Variants in PIGN observed in about 807,000 individuals in gnomAD.
PIGN encodes phosphatidylinositol glycan anchor biosynthesis class N, also known as GPI ethanolamine phosphate transferase 1.
A neutral mutation model predicts 125.4 loss-of-function variants in PIGN; 117 were observed. The observed-to-expected ratio is 0.93, with a 90% CI of 0.80 to 1.09. PIGN has a LOEUF of 1.09. Among genes scored for constraint, PIGN ranks in the 50% least tolerant of loss-of-function variants. The pLI, the probability that PIGN is intolerant of heterozygous loss-of-function variation, is 0.00. For synonymous variants in PIGN, 392 were observed against 377.8 expected, an observed-to-expected ratio of 1.04 and a Z score of -0.44; for missense variants, 1,075 against 1,094.9, an observed-to-expected ratio of 0.98 and a Z score of 0.26.
intron 10 of PIGN, among the ~76,000 whole-genome samples, chr18:62,144,470 T>C (rs921698185): frequency 8.5e-5 from 13 of 152,184 alleles, no homozygotes; most frequent in Non-Finnish European, 1.8e-4. Context: ...TGTACTCTGC[T>C]CCCAGCTGAC....
rs759327246 is a variant in PIGN, at chr18:62,045,999, T to C, written c.2673-20A>G. On this transcript the variant is annotated intron_variant, in intron 30 of 30. Coordinates refer to ENST00000640252, the MANE Select transcript of PIGN (RefSeq NM_176787.5). ...CTGATGCTGCAAAAGGAGAAAAAGA[T>C]GTTACAGGCAGAGAGAACACAGGTG... 3.7e-6 allele frequency: 6 copies of C among 1,607,886 alleles called. No individual in the cohort carries two copies. In the South Asian group the frequency reaches 4.5e-5, roughly 12 times the overall value.
At chr18:62,107,269 T>C (rs867586859) in intron 17 of PIGN, among the ~76,000 whole-genome samples, 184 bp from the exon 18 acceptor site, 12 of 152,150 alleles carry the variant, frequency 7.9e-5, no homozygotes, top group African/African-American at 1.9e-4. Context: ...AATCTAGAAG[T>C]ATTTTAGGGA....
chr18:62,163,412 T>C (rs952289168), intron 2 of PIGN, 119 bp downstream of exon 2: 4 of 152,214 alleles, frequency 2.6e-5, no homozygotes, highest in African/African-American at 9.6e-5. Context: ...GTTACCTTTG[T>C]GGCACATGGT....
chr18:62,095,265 T>G (rs1360130388), intron 23 of PIGN, among the ~76,000 whole-genome samples: 1 of 152,222 alleles, frequency 6.6e-6, no homozygotes, highest in African/African-American at 2.4e-5. Context: ...TCAAAGTTAA[T>G]GGACAGAGTA....
At chr18:62,077,401 AC>A (rs1378907786) in intron 28 of PIGN, among the ~76,000 whole-genome samples, 1 of 151,758 alleles carries the variant, frequency 6.6e-6, no homozygotes, top group African/African-American at 2.4e-5. Context: ...AACAAACAAA[AC>A]CTTTAAAAAA....
rs1484374045 is a variant in PIGN at position 62,106,868 on chromosome 18, A to C, written c.1688T>G (p.Phe563Cys). 1 of 1,607,586 alleles carries C rather than the reference A, an allele frequency of 6.2e-7. No homozygotes were observed. The highest frequency in any genetic ancestry group is 1.3e-5 in the African/African-American group (1 of 74,844). The change falls in exon 19 of 31, where the codon TTC becomes TGC. Residue 563 changes from phenylalanine (F) to cysteine (C), a missense_variant. Transcript: ENST00000640252. ...TCCAGCGGTAAGCATATAGCGGTAGAAAAAACTGAGAACCTAGTAATGCAT... is the reference window on the plus strand; with the variant it reads ...TCCAGCGGTAAGCATATAGCGGTAGCAAAAACTGAGAACCTAGTAATGCAT... ...LGIEVLVLSF[F>C]YRYMLTAGLT...
chr18:62,158,206 G>T (rs920347935), intron 4 of PIGN, among the ~76,000 whole-genome samples: 1 of 152,050 alleles, frequency 6.6e-6, no homozygotes, highest in Non-Finnish European at 1.5e-5. Context: ...AAGTGTTTGG[G>T]GTAAAGTTTC....
At chr18:62,113,092 A>AT in intron 16 of PIGN, 42 bp downstream of exon 16, 1 of 1,482,504 alleles carries the variant, frequency 6.7e-7, no homozygotes, top group Non-Finnish European at 9.3e-7. Context: ...AGTACTAGTG[A>AT]TTTTATACCA....
chr18:62,020,421 C>T (rs1568102270), intron 23 of PIGN, among the ~76,000 whole-genome samples: 1 of 151,816 alleles, frequency 6.6e-6, no homozygotes, highest in Non-Finnish European at 1.5e-5. Flanking sequence ...CAGCAAGATA[C>T]GATCTGGAAC....
chr18:62,157,175 G>T lies in PIGN; in HGVS notation c.396C>A (p.Tyr132Ter). 1 of 1,609,766 alleles carries T rather than the reference G, an allele frequency of 6.2e-7. No homozygotes were observed. Among genetic ancestry groups the T allele is most frequent in the Non-Finnish European group, 8.5e-7 (1 of 1,177,342 alleles). The change falls in exon 6 of 31, where the codon TAC (tyrosine) becomes TAA (stop). Residue 132 changes from tyrosine (Y) to a stop codon, truncating the protein, a stop_gained. Coordinates refer to ENST00000640252, the MANE Select transcript of PIGN (RefSeq NM_176787.5). LOFTEE classifies it high-confidence loss of function. ...EFDSLFNESK[Y>*]TWSWGSPDIL... ...TATCTGGGCTTCCCCAGCTCCATGT[G>T]TATTTACTTTCATTAAAAAGAGAAT...
At chr18:62,054,489 ATTT>A (rs367909088) in intron 30 of PIGN, among the ~76,000 whole-genome samples, 4 of 117,276 alleles carry the variant, frequency 3.4e-5, no homozygotes, top group East Asian at 2.4e-4. Flanking sequence ...TTTTTTTCCT[ATTT>A]TTTTTTTTTT....
chr18:62,063,251 T>G, intron 30 of PIGN, among the ~76,000 whole-genome samples: 1 of 151,230 alleles, frequency 6.6e-6, no homozygotes, highest in East Asian at 2.0e-4. Flanking sequence ...AATCTATGGT[T>G]TTATAGATTT....
rs2030362704 is a variant in PIGN, at chr18:62,041,313, A to G, written c.*4543T>C. 6.6e-6 allele frequency: 1 copy of G among 152,212 alleles called. No individual in the cohort carries two copies. The highest frequency in any genetic ancestry group is 1.5e-5 in the Non-Finnish European group (1 of 68,028). 9.4% of individuals were successfully genotyped at this position (152,212 alleles called of 1,614,324 possible). A position where few individuals can be genotyped will look rare whatever the true frequency, so the allele number is the denominator to read the frequency against. On this transcript the variant is annotated 3_prime_UTR_variant, in exon 31 of 31. Coordinates refer to ENST00000640252, the MANE Select transcript of PIGN (RefSeq NM_176787.5). ...TGGCCTTTCCCACATGAAAGACTAAATGATGACAGGTGTAATATATACAGA... is the reference window on the plus strand; with the variant it reads ...TGGCCTTTCCCACATGAAAGACTAAGTGATGACAGGTGTAATATATACAGA...
intron 23 of PIGN, among the ~76,000 whole-genome samples, chr18:62,035,676 TTC>T (rs1491279514): frequency 1.5e-5 from 2 of 131,902 alleles, no homozygotes; most frequent in Admixed American, 7.8e-5. Flanking sequence ...TCCCTCCCCC[TTC>T]CCCCCACCCC....
intron 25 of PIGN, among the ~76,000 whole-genome samples, chr18:62,086,556 G>C (rs2033711980): frequency 6.6e-6 from 1 of 151,862 alleles, no homozygotes; most frequent in African/African-American, 2.4e-5. Context: ...AGTGGAGGTT[G>C]CAGTGAGCCA....
downstream of PIGN, among the ~76,000 whole-genome samples, chr18:62,039,239 T>C (rs1469840478): frequency 1.3e-5 from 2 of 152,112 alleles, no homozygotes; most frequent in Non-Finnish European, 1.5e-5. Context: ...AATAGTTTTA[T>C]AGAAAATTTG....
chr18:62,181,656 C>T (rs1314832777), intron 1 of PIGN, among the ~76,000 whole-genome samples: 5 of 152,168 alleles, frequency 3.3e-5, no homozygotes, highest in Non-Finnish European at 7.4e-5. Flanking sequence ...AAGTCATCTA[C>T]TCACCTCGGC....
chr18:62,138,390 G>T, intron 13 of PIGN, 92 bp from the exon 14 acceptor site: 6 of 1,408,938 alleles, frequency 4.3e-6, no homozygotes, highest in East Asian at 2.7e-5. Flanking sequence ...CTTTAGGGAT[G>T]GTTAACCACT....
rs1357554149 is a variant in PIGN, at chr18:62,145,808, G to T, written c.922+101C>A. 4.6e-6 allele frequency: 3 copies of T among 647,380 alleles called. No individual in the cohort carries two copies. The African/African-American group carries it at 5.5e-5, about 12-fold the overall frequency. 40.1% of individuals were successfully genotyped at this position (647,380 alleles called of 1,614,324 possible). On this transcript the variant is annotated intron_variant, in intron 10 of 30. Coordinates refer to ENST00000640252, the MANE Select transcript of PIGN (RefSeq NM_176787.5). ...AGTAATGGCACAAATGTCAAAATGA[G>T]GGATTTACAACTAAAATTTGAAGAG...
Sources: gnomAD v4.1 joint callset for allele counts (sites outside exome capture counted in the v4.1 genomes callset) on GRCh38, gnomAD v4.1.1 for gene constraint, MANE v1.5 for transcripts, NCBI Gene and HGNC (gene_info 2026-07-23, HGNC 2026-07-21) for gene names.